Variants in CSPP1 observed in about 807,000 individuals in gnomAD.
CSPP1 encodes centrosome and spindle pole associated protein 1.
CSPP1 carries 126 observed loss-of-function variants against 164.4 expected under a neutral mutation model. The observed-to-expected ratio is 0.77, with a 90% CI of 0.66 to 0.89. The LOEUF is 0.89. CSPP1 is among the 40% of genes least tolerant of loss of function. The pLI is 0.00. For missense variants in CSPP1, 1,395 were observed against 1,449.8 expected (o/e 0.96, Z 0.61); for synonymous variants, 472 against 476.7 (o/e 0.99, Z 0.13).
At chr8:67,123,561 T>G (rs1819417302) in intron 15 of CSPP1, among the ~76,000 whole-genome samples, 1 of 152,036 alleles carries the variant, frequency 6.6e-6, no homozygotes. Flanking sequence ...ATATGTCTTA[T>G]GTCTTTTTAT....
Position 67,105,923 on chromosome 8 carries a change from A to G in CSPP1, c.1041A>G (p.Thr347=). 6.3e-7 allele frequency: 1 copy of G among 1,585,160 alleles called. No homozygotes were observed. The highest frequency in any genetic ancestry group is 8.7e-7 in the Non-Finnish European group (1 of 1,153,760). Residue 347 remains threonine, a synonymous_variant, in exon 9 of 31, where the codon ACA becomes ACG. Transcript: ENST00000678616. ...AENKSAPDNE[T]SKSANQDTCS... is the part of the protein sequence containing the mutation. The stretch of plus-strand genomic sequence containing the variant: ...TCTTTAGTGCTCCAGACAATGAAAC[A>G]TCCAAATCTGCTAATCAAGATACCT...
chr8:67,090,180 A>G (rs901597876), intron 4 of CSPP1, among the ~76,000 whole-genome samples: 1 of 152,168 alleles, frequency 6.6e-6, no homozygotes, highest in Admixed American at 6.6e-5. Context: ...GGATCTGGTC[A>G]TGTGTCTTAT....
At chr8:67,137,828 C>T (rs968210301) in intron 17 of CSPP1, among the ~76,000 whole-genome samples, 1 of 152,010 alleles carries the variant, frequency 6.6e-6, no homozygotes, top group Admixed American at 6.6e-5. Flanking sequence ...TTTCATCCTC[C>T]GATGTTGATA....
At chr8:67,130,250 A>G (rs543875856) in intron 15 of CSPP1, among the ~76,000 whole-genome samples, 1 of 152,322 alleles carries the variant, frequency 6.6e-6, no homozygotes, top group East Asian at 1.9e-4. Context: ...TCCTGATCTG[A>G]CTACATAAAT....
rs750608589 is a variant in CSPP1, at chr8:67,095,578, G to T, written c.769G>T (p.Asp257Tyr). 66 of 1,613,884 alleles carry T rather than the reference G, an allele frequency of 4.1e-5. No homozygotes were observed. The highest frequency in any genetic ancestry group is 2.1e-4 in the African/African-American group (16 of 74,912). Residue 257 changes from aspartate (D) to tyrosine (Y), a missense_variant, in exon 7 of 31, where the codon GAT becomes TAT. By Grantham distance (160) the Asp-to-Tyr change is radical. Transcript: ENST00000678616. ...GTTTGCAAGCAAGGCTGGCATTCCA[G>T]ATAGAAGATTTCACAGATTTAATGA... is the stretch of plus-strand genomic sequence containing the variant. The part of the protein sequence containing the change: ...QRFASKAGIP[D>Y]RRFHRFNEDR...
chr8:67,112,907 A>G (rs2129550229), intron 10 of CSPP1, among the ~76,000 whole-genome samples: 1 of 152,308 alleles, frequency 6.6e-6, no homozygotes, highest in East Asian at 1.9e-4. Context: ...ATGAGATATT[A>G]TAGTTTAAAA....
At chr8:67,097,693 T>G (rs1350838946) in intron 7 of CSPP1, among the ~76,000 whole-genome samples, 1 of 151,096 alleles carries the variant, frequency 6.6e-6, no homozygotes, top group Non-Finnish European at 1.5e-5. Context: ...TGCTTCTTTG[T>G]TTTTTTTTAA....
At chr8:67,184,814 A>C (rs1450572688) in intron 28 of CSPP1, among the ~76,000 whole-genome samples, 1 of 149,318 alleles carries the variant, frequency 6.7e-6, no homozygotes, top group Non-Finnish European at 1.5e-5. Flanking sequence ...CGTTAAAAAC[A>C]GTCGGCCGGG....
intron 21 of CSPP1, among the ~76,000 whole-genome samples, chr8:67,159,383 C>T (rs1827281758): frequency 1.3e-5 from 2 of 151,824 alleles, no homozygotes; most frequent in South Asian, 2.1e-4. Flanking sequence ...AGTCTCATTC[C>T]CATGGTGTAT....
intron 1 of CSPP1, among the ~76,000 whole-genome samples, chr8:67,068,049 G>C (rs1805956472): frequency 1.3e-5 from 2 of 151,974 alleles, no homozygotes; most frequent in Admixed American, 6.6e-5. Flanking sequence ...GGGTTTTGCT[G>C]TGTTAGCCAG....
At chr8:67,121,379 C>T (rs887378487) in intron 15 of CSPP1, among the ~76,000 whole-genome samples, 1 of 151,994 alleles carries the variant, frequency 6.6e-6, no homozygotes, top group African/African-American at 2.4e-5. Flanking sequence ...TGAGTTTTAA[C>T]GATGCAAGTG....
intron 19 of CSPP1, among the ~76,000 whole-genome samples, chr8:67,154,452 C>T (rs775876317): frequency 2.6e-5 from 4 of 152,098 alleles, no homozygotes; most frequent in South Asian, 2.1e-4. Context: ...CTGCAACCTC[C>T]GCCTCCTGGC....
chr8:67,193,635 A>C (rs1435061090), intron 30 of CSPP1, 33 bp downstream of exon 30: 1 of 1,582,214 alleles, frequency 6.3e-7, no homozygotes, highest in Middle Eastern at 1.7e-4. Flanking sequence ...CTATAGTAGA[A>C]TCCTGTATGA....
At chr8:67,182,286 G>A (rs939321253) in intron 28 of CSPP1, among the ~76,000 whole-genome samples, 2 of 152,002 alleles carry the variant, frequency 1.3e-5, no homozygotes, top group Non-Finnish European at 2.9e-5. Flanking sequence ...GAGATTACAG[G>A]TGTGAGCTAC....
intron 9 of CSPP1, among the ~76,000 whole-genome samples, chr8:67,108,325 C>T (rs946171768): frequency 6.6e-6 from 1 of 151,456 alleles, no homozygotes; most frequent in Non-Finnish European, 1.5e-5. Flanking sequence ...TTGCTTAAGC[C>T]TGGGAGGTTG....
At chr8:67,152,992 G>A (rs1034693806) in intron 18 of CSPP1, among the ~76,000 whole-genome samples, 1 of 152,140 alleles carries the variant, frequency 6.6e-6, no homozygotes, top group Non-Finnish European at 1.5e-5. Flanking sequence ...GAGGTCAGGA[G>A]TTAGAGACCA....
At chr8:67,191,003 C>T (rs769631503) in intron 29 of CSPP1, among the ~76,000 whole-genome samples, 2 of 152,186 alleles carry the variant, frequency 1.3e-5, no homozygotes, top group Non-Finnish European at 2.9e-5. Flanking sequence ...CTCCTCATCC[C>T]AACCTTCCTT....
At chr8:67,116,799 A>G (rs1029115735) in intron 13 of CSPP1, among the ~76,000 whole-genome samples, 30 of 152,126 alleles carry the variant, frequency 2.0e-4, no homozygotes, top group Non-Finnish European at 3.4e-4. Context: ...ATTAATTATA[A>G]AATATATTTA....
At chr8:67,178,328 G>A (rs558951605) in intron 27 of CSPP1, among the ~76,000 whole-genome samples, 3 of 152,198 alleles carry the variant, frequency 2.0e-5, no homozygotes, top group South Asian at 4.1e-4. Context: ...TCCTGAGGGG[G>A]GTACTTTTTG....
Sources: gnomAD v4.1 joint callset for allele counts (sites outside exome capture counted in the v4.1 genomes callset) on GRCh38, gnomAD v4.1.1 for gene constraint, MANE v1.5 for transcripts, NCBI Gene and HGNC (gene_info 2026-07-23, HGNC 2026-07-21) for gene names.